Variants in PDE1A observed in about 807,000 individuals in gnomAD.
The protein encoded by PDE1A is phosphodiesterase 1A, also known as dual specificity calcium/calmodulin-dependent 3',5'-cyclic nucleotide phosphodiesterase 1A.
In PDE1A, 35 loss-of-function variants were observed where a neutral mutation model predicts 61.7. That is an observed-to-expected ratio of 0.57 (90% CI 0.43 to 0.75). PDE1A has a LOEUF of 0.75. PDE1A is among the 30% of genes least tolerant of loss of function. The pLI, the probability that PDE1A is intolerant of heterozygous loss-of-function variation, is 0.00. For synonymous variants in PDE1A, 232 were observed against 213.2 expected, an observed-to-expected ratio of 1.09 and a Z score of -0.77; for missense variants, 597 against 630.6, an observed-to-expected ratio of 0.95 and a Z score of 0.57.
intron 2 of PDE1A, among the ~76,000 whole-genome samples, chr2:182,506,726 T>C (rs1304067128): frequency 6.6e-6 from 1 of 152,216 alleles, no homozygotes; most frequent in Non-Finnish European, 1.5e-5. Flanking sequence ...TTTGTCTTTG[T>C]GGTTGCAAAG....
At chr2:182,161,025 G>A (rs910118173) in intron 13 of PDE1A, among the ~76,000 whole-genome samples, 1 of 152,204 alleles carries the variant, frequency 6.6e-6, no homozygotes, top group African/African-American at 2.4e-5. Context: ...AAGGAGTTCA[G>A]TGACTATATG....
chr2:182,411,999 A>G (rs1479015384), intron 1 of PDE1A, among the ~76,000 whole-genome samples: 1 of 151,466 alleles, frequency 6.6e-6, no homozygotes. Flanking sequence ...CAGAGATTGC[A>G]GTGAGCCAAC....
chr2:182,465,472 G>T (rs369605645), intron 2 of PDE1A, among the ~76,000 whole-genome samples: 1 of 151,890 alleles, frequency 6.6e-6, no homozygotes, highest in African/African-American at 2.4e-5. Flanking sequence ...ATTAAGAGTT[G>T]TAGAATTCCT....
Position 182,284,906 on chromosome 2 carries a change from G to C in PDE1A, c.54-20492C>G, listed in dbSNP as rs1404889076. ...ATCTTCATTTCATGATGAGGAATCT[G>C]AGACACCATGAGATTAAGTAACTTG... On this transcript the variant is annotated intron_variant, in intron 1 of 13. Transcript: ENST00000351439. Among the ~76,000 whole-genome samples the C allele has an allele frequency of 2.0e-5, 3 of 152,026 alleles. No individual in the cohort carries two copies. In the East Asian group the frequency reaches 5.8e-4, roughly 29 times the overall value.
the PDE1A span, among the ~76,000 whole-genome samples, chr2:182,613,418 C>G: frequency 6.6e-6 from 1 of 151,946 alleles, no homozygotes; most frequent in Non-Finnish European, 1.5e-5. Flanking sequence ...AAAAAATTAG[C>G]CGGGCATGGT....
chr2:182,515,648 A>G (rs898811214), intron 2 of PDE1A, among the ~76,000 whole-genome samples: 6 of 152,222 alleles, frequency 3.9e-5, no homozygotes, highest in African/African-American at 1.4e-4. Context: ...TATGATTATG[A>G]TTAAAAGACA....
the PDE1A span, among the ~76,000 whole-genome samples, chr2:182,617,163 T>C: frequency 6.6e-6 from 1 of 152,026 alleles, no homozygotes; most frequent in Middle Eastern, 3.2e-3. Flanking sequence ...TGATTTATGG[T>C]TGGGGCCTTG....
the PDE1A span, among the ~76,000 whole-genome samples, chr2:182,537,788 T>C: frequency 2.0e-5 from 3 of 152,162 alleles, no homozygotes; most frequent in African/African-American, 2.4e-5. Flanking sequence ...GCAAGGTGTG[T>C]TGCTGGTAGG....
At chr2:182,214,615 C>T (rs1384598932) in intron 7 of PDE1A, among the ~76,000 whole-genome samples, 154 of 150,442 alleles carry the variant, frequency 1.0e-3, no homozygotes, top group Admixed American at 1.8e-3. Flanking sequence ...GGTTGCAATC[C>T]TACTCTCTGA....
intron 1 of PDE1A, among the ~76,000 whole-genome samples, chr2:182,283,221 G>A (rs1693930901): frequency 6.6e-6 from 1 of 152,024 alleles, no homozygotes; most frequent in South Asian, 2.1e-4. Context: ...GTGTGGTCAG[G>A]TAAGTTTTAC....
At chr2:182,432,324 C>A (rs943693705) in intron 2 of PDE1A, among the ~76,000 whole-genome samples, 1 of 152,096 alleles carries the variant, frequency 6.6e-6, no homozygotes, top group Non-Finnish European at 1.5e-5. Context: ...ATGCATACCA[C>A]CAGAATACTT....
chr2:182,558,415 T>C, the PDE1A span, among the ~76,000 whole-genome samples: 1 of 152,150 alleles, frequency 6.6e-6, no homozygotes, highest in African/African-American at 2.4e-5. Flanking sequence ...TCCATATCTC[T>C]ATTTAGCCCT....
rs377715682 is a variant in PDE1A at position 182,280,394 on chromosome 2, A to T, written c.54-15980T>A. On this transcript the variant is annotated intron_variant, in intron 1 of 13. Coordinates refer to ENST00000351439, the Ensembl canonical transcript of PDE1A. ...TTCCTGTTGGATTCCCTGTTTCTGG[A>T]TTCTATGACCTCACTTCTGAATTTT... is the stretch of plus-strand genomic sequence containing the variant. Among the ~76,000 whole-genome samples the T allele has an allele frequency of 1.3e-4, 20 of 151,940 alleles. No individual in the cohort carries two copies. In the South Asian group the frequency reaches 4.1e-3, roughly 32 times the overall value.
the PDE1A span, among the ~76,000 whole-genome samples, chr2:182,531,207 A>G: frequency 6.6e-6 from 1 of 151,952 alleles, no homozygotes; most frequent in African/African-American, 2.4e-5. Flanking sequence ...ATAGGAAGAC[A>G]AAAGAAAGAA....
chr2:182,616,531 A>G, the PDE1A span, among the ~76,000 whole-genome samples: 74 of 152,334 alleles, frequency 4.9e-4, no homozygotes, highest in African/African-American at 1.7e-3. Flanking sequence ...AGCAACTCCA[A>G]TAGAAAATCA....
the PDE1A span, among the ~76,000 whole-genome samples, chr2:182,625,386 T>C: frequency 2.6e-5 from 4 of 152,150 alleles, no homozygotes; most frequent in Non-Finnish European, 5.9e-5. Context: ...GGTACAGAGA[T>C]TGGAGAAATA....
chr2:182,515,556 T>G (rs1055763641), intron 2 of PDE1A, among the ~76,000 whole-genome samples: 1 of 152,218 alleles, frequency 6.6e-6, no homozygotes, highest in Non-Finnish European at 1.5e-5. Flanking sequence ...AACTATAACA[T>G]AATGTTATGT....
At chr2:182,285,383 G>A (rs1694087532) in intron 1 of PDE1A, among the ~76,000 whole-genome samples, 1 of 151,802 alleles carries the variant, frequency 6.6e-6, no homozygotes, top group South Asian at 2.1e-4. Context: ...TGCATGAACC[G>A]ACCCTTATTT....
chr2:182,140,722 C>A (rs1690190714), exon 15 of PDE1A: 1 of 152,184 alleles, frequency 6.6e-6, no homozygotes, highest in African/African-American at 2.4e-5. Context: ...CTTCAGATGG[C>A]CTCAACAGTA....
Sources: allele counts gnomAD v4.1 joint callset (sites outside exome capture counted in the v4.1 genomes callset), GRCh38; gene constraint gnomAD v4.1.1; transcripts MANE v1.5; gene names NCBI Gene and HGNC (gene_info 2026-07-23, HGNC 2026-07-21).